Variants in NRN1 observed in about 807,000 individuals in gnomAD.
NRN1 encodes the protein neuritin 1.
NRN1 carries 4 observed loss-of-function variants against 15.0 expected under a neutral mutation model. The observed-to-expected ratio is 0.27, with a 90% CI of 0.13 to 0.61. The LOEUF (loss-of-function observed/expected upper bound fraction) is 0.61. Ranked by LOEUF, NRN1 falls within the 20% of genes least tolerant of loss-of-function variation. The pLI, the probability that NRN1 is intolerant of heterozygous loss-of-function variation, is 0.87. For synonymous variants in NRN1, 85 were observed against 79.8 expected (o/e 1.07, Z -0.35); for missense variants, 134 against 181.9 (o/e 0.74, Z 1.51).
At chr6:6,003,151 A>G in intron 1 of NRN1, 1 of 1,213,702 alleles carries the variant, frequency 8.2e-7, no homozygotes, top group East Asian at 3.2e-5. Flanking sequence ...TTGTTTCATT[A>G]TAAAACCGAT....
intron 1 of NRN1, 140 bp from the exon 2 acceptor site, chr6:6,002,637 G>T: frequency 9.0e-7 from 1 of 1,116,508 alleles, no homozygotes. Context: ...GGGCTCGCCA[G>T]TGTTAAAGGT....
chr6:6,003,221 C>T (rs892338947), intron 1 of NRN1: 50 of 1,234,316 alleles, frequency 4.1e-5, no homozygotes, highest in Non-Finnish European at 5.0e-5. Flanking sequence ...TCCCGCCCCG[C>T]TGGAAAGAGG....
Position 6,006,765 on chromosome 6 carries a change from A to T in NRN1, c.-16T>A. On this transcript the variant is annotated 5_prime_UTR_variant, in exon 1 of 3. Coordinates refer to ENST00000244766, the MANE Select transcript of NRN1 (RefSeq NM_016588.3). ...TAAGTCCCATCCTACGTTTAGTCAA[A>T]CCATTTGCGACCGCAGACCTTTAAA... 2 of 1,613,408 alleles carry T rather than the reference A, an allele frequency of 1.2e-6. No homozygotes were observed. The highest frequency in any genetic ancestry group is 1.1e-5 in the South Asian group (1 of 91,068).
intron 1 of NRN1, chr6:6,004,156 G>T: frequency 2.3e-6 from 1 of 440,168 alleles, no homozygotes; most frequent in Non-Finnish European, 3.1e-6. Flanking sequence ...GGTTAACTTC[G>T]ACCTCCGCTG....
intron 2 of NRN1, among the ~76,000 whole-genome samples, chr6:6,001,818 A>G (rs1006974286): frequency 2.6e-5 from 4 of 152,190 alleles, no homozygotes; most frequent in African/African-American, 9.7e-5. Flanking sequence ...CTTGGTGTGT[A>G]TTAGAGGGGC....
chr6:6,002,044 C>T (rs1028271986), intron 2 of NRN1, among the ~76,000 whole-genome samples: 4 of 152,216 alleles, frequency 2.6e-5, no homozygotes, highest in African/African-American at 9.6e-5. Context: ...TGCCCCTTGC[C>T]CTGGCTCCCA....
chr6:6,003,761 C>A, intron 1 of NRN1: 1 of 1,234,240 alleles, frequency 8.1e-7, no homozygotes. Context: ...ACGAACCCGG[C>A]TGGAAGCTGA....
At chr6:6,003,729 A>G (rs1384993607) in intron 1 of NRN1, 12 of 1,234,296 alleles carry the variant, frequency 9.7e-6, no homozygotes, top group Middle Eastern at 2.1e-4. Context: ...GGCTGTGGCC[A>G]TCTCTTTCCG....
chr6:6,002,963 G>A (rs1757999550), intron 1 of NRN1: 3 of 398,368 alleles, frequency 7.5e-6, no homozygotes, highest in Non-Finnish European at 1.3e-5. Flanking sequence ...TGCAGCGTGC[G>A]GGGGCGAGAA....
chr6:6,003,495 T>G (rs532058992), intron 1 of NRN1, among the ~76,000 whole-genome samples: 1 of 152,218 alleles, frequency 6.6e-6, no homozygotes, highest in Non-Finnish European at 1.5e-5. Flanking sequence ...GTGCCAGCCC[T>G]GCTGCTGAAA....
At chr6:6,004,396 C>T (rs1242919234) in intron 1 of NRN1, among the ~76,000 whole-genome samples, 1 of 152,076 alleles carries the variant, frequency 6.6e-6, no homozygotes, top group Admixed American at 6.5e-5. Context: ...AAATAAAGTC[C>T]AATCTCCCCG....
At chr6:6,006,969 G>A (rs555999648), upstream of NRN1, 151 of 403,390 alleles carry the variant, frequency 3.7e-4, 4 homozygotes, top group Admixed American at 6.8e-4. Flanking sequence ...CTGAGGGGGG[G>A]GGGAGAGCTG....
Position 5,998,291 on chromosome 6 carries a change from G to C in NRN1, c.*685C>G, listed in dbSNP as rs1757821992. The C allele has an allele frequency of 6.6e-6, 1 of 152,228 alleles. No individual in the cohort carries two copies. Among genetic ancestry groups the C allele is most frequent in the Admixed American group, 6.5e-5 (1 of 15,278 alleles). The allele number at this position is 152,228 out of a possible 1,614,324, so 9.4% of individuals were successfully genotyped here. A position where few individuals can be genotyped will look rare whatever the true frequency, so the allele number is the denominator to read the frequency against. Reference sequence around the variant, plus strand: ...AACTTGGACGGATGCATCAACAACAGCAGATAAAGCTAACCCCTCAGTGAC... The same window carrying C: ...AACTTGGACGGATGCATCAACAACACCAGATAAAGCTAACCCCTCAGTGAC... On this transcript the variant is annotated 3_prime_UTR_variant, in exon 3 of 3. Coordinates refer to ENST00000244766, the MANE Select transcript of NRN1 (RefSeq NM_016588.3).
chr6:6,003,214 C>G (rs1045281596), intron 1 of NRN1: 1 of 1,234,496 alleles, frequency 8.1e-7, no homozygotes, highest in Non-Finnish European at 1.0e-6. Flanking sequence ...CACCCTCTCC[C>G]GCCCCGCTGG....
chr6:5,998,868 G>T lies in NRN1; in HGVS notation c.*108C>A. On this transcript the variant is annotated 3_prime_UTR_variant, in exon 3 of 3. Coordinates refer to ENST00000244766, the MANE Select transcript of NRN1 (RefSeq NM_016588.3). ...CCACAATCCTATATGAGTGTTTTCAGCATCACAGAGAATCACAACGTCCCC... is the reference window on the plus strand; with the variant it reads ...CCACAATCCTATATGAGTGTTTTCATCATCACAGAGAATCACAACGTCCCC... The T allele has an allele frequency of 1.4e-6, 1 of 719,742 alleles. No individual in the cohort carries two copies. Among genetic ancestry groups the T allele is most frequent in the Non-Finnish European group, 2.3e-6 (1 of 430,268 alleles). The allele number at this position is 719,742 out of a possible 1,614,324, so 44.6% of individuals were successfully genotyped here.
At chr6:6,006,120 T>G (rs1561905786) in intron 1 of NRN1, among the ~76,000 whole-genome samples, 1 of 152,208 alleles carries the variant, frequency 6.6e-6, no homozygotes, top group Non-Finnish European at 1.5e-5. Context: ...AAATATGTGG[T>G]CTGAAGTTCC....
Position 6,002,228 on chromosome 6 carries a change from C to G in NRN1, c.200+125G>C, listed in dbSNP as rs1030878422. 14 of 1,272,788 alleles carry G rather than the reference C, an allele frequency of 1.1e-5. No individual in the cohort carries two copies. The Middle Eastern group carries it at 5.8e-4, about 52-fold the overall frequency. 78.8% of individuals were successfully genotyped at this position (1,272,788 alleles called of 1,614,324 possible). A position where few individuals can be genotyped will look rare whatever the true frequency, so the allele number is the denominator to read the frequency against. On this transcript the variant is annotated intron_variant, in intron 2 of 2. Coordinates refer to ENST00000244766, the MANE Select transcript of NRN1 (RefSeq NM_016588.3). ...AGGCCTGGGGGTTGGAGCCAGAAGGCAAGAGTGAGCCGATGCGGATTCGCG... is the reference window on the plus strand; with the variant it reads ...AGGCCTGGGGGTTGGAGCCAGAAGGGAAGAGTGAGCCGATGCGGATTCGCG...
At chr6:6,004,829 TC>T (rs1181481435) in intron 1 of NRN1, among the ~76,000 whole-genome samples, 1 of 152,054 alleles carries the variant, frequency 6.6e-6, no homozygotes, top group African/African-American at 2.4e-5. Context: ...GCGGTTTCCA[TC>T]CGTTCATTCA....
intron 2 of NRN1, among the ~76,000 whole-genome samples, chr6:6,000,798 T>C (rs1196510149): frequency 7.5e-6 from 1 of 132,696 alleles, no homozygotes; most frequent in African/African-American, 3.0e-5. Flanking sequence ...TAGAGAAGGA[T>C]AGACTCCACC....
Sources: gnomAD v4.1 joint callset for allele counts (sites outside exome capture counted in the v4.1 genomes callset) on GRCh38, gnomAD v4.1.1 for gene constraint, MANE v1.5 for transcripts, NCBI Gene and HGNC (gene_info 2026-07-23, HGNC 2026-07-21) for gene names.